FMN2: variants seen among roughly 807,000 people sequenced by gnomAD.
The protein encoded by FMN2 is formin-2.
In FMN2, 51 loss-of-function variants were observed where a neutral mutation model predicts 142.3. The observed-to-expected ratio is 0.36, with a 90% confidence interval of 0.29 to 0.45. The LOEUF (loss-of-function observed/expected upper bound fraction) is 0.45. FMN2 is among the 20% of genes least tolerant of loss of function. The pLI, the probability that FMN2 is intolerant of heterozygous loss-of-function variation, is 1.00. For missense variants in FMN2, 1,936 were observed against 2,122.8 expected, an observed-to-expected ratio of 0.91 and a Z score of 1.73; for synonymous variants, 882 against 869.8, an observed-to-expected ratio of 1.01 and a Z score of -0.25.
At chr1:240,113,569 A>AT (rs1390868008) in intron 1 of FMN2, among the ~76,000 whole-genome samples, 4 of 151,558 alleles carry the variant, frequency 2.6e-5, no homozygotes, top group Admixed American at 6.6e-5. Flanking sequence ...AAAAAAAAAA[A>AT]AAAAAAAAAA....
At chr1:240,316,557 T>C (rs1670785760) in intron 8 of FMN2, among the ~76,000 whole-genome samples, 1 of 151,976 alleles carries the variant, frequency 6.6e-6, no homozygotes, top group African/African-American at 2.4e-5. Flanking sequence ...TAAGATGTTT[T>C]TCAGGGGAAG....
chr1:240,259,345 G>T (rs929354991), intron 7 of FMN2, among the ~76,000 whole-genome samples: 5 of 152,148 alleles, frequency 3.3e-5, no homozygotes, highest in African/African-American at 1.2e-4. Flanking sequence ...AGAGTTCATT[G>T]AAAATTTGCT....
chr1:240,348,520 G>A (rs953464829), intron 13 of FMN2, among the ~76,000 whole-genome samples: 2 of 114,198 alleles, frequency 1.8e-5, no homozygotes, highest in Middle Eastern at 3.9e-3. Context: ...ACCGCGCCCA[G>A]CCTATTTTTT....
intron 15 of FMN2, among the ~76,000 whole-genome samples, chr1:240,416,487 C>T (rs944897961): frequency 1.3e-5 from 2 of 152,082 alleles, no homozygotes; most frequent in Admixed American, 6.5e-5. Context: ...CCCGGCTAGT[C>T]TCAAACTCCT....
At chr1:240,274,681 T>C (rs1158203311) in intron 7 of FMN2, among the ~76,000 whole-genome samples, 1 of 152,026 alleles carries the variant, frequency 6.6e-6, no homozygotes, top group East Asian at 1.9e-4. Context: ...GTGAGGAGAC[T>C]ATCACAGCAA....
intron 7 of FMN2, among the ~76,000 whole-genome samples, chr1:240,275,080 GTTTT>G (rs202193888): frequency 6.4e-5 from 9 of 141,116 alleles, no homozygotes; most frequent in African/African-American, 2.1e-4. Flanking sequence ...TTTTTTTTAA[GTTTT>G]TTTTTTTTTT....
chr1:240,355,950 G>GTA lies in FMN2; in HGVS notation c.4858+42_4858+43insTA, dbSNP rs1558449489. On this transcript the variant is annotated intron_variant, in intron 14 of 17. Coordinates refer to ENST00000319653, the MANE Select transcript of FMN2 (RefSeq NM_020066.5). ...TGTGTTATGTTTTTCTCCCCTTTCA[G>GTA]CAAAAAAAAAAAAAAAAAAAAAAAA... 5.3e-4 allele frequency: 46 copies of GTA among 86,260 alleles called. No homozygotes were observed. In the African/African-American group the frequency reaches 7.3e-3, roughly 14 times the overall value. The allele number at this position is 86,260 out of a possible 1,614,324, so 5.3% of individuals were successfully genotyped here.
chr1:240,181,274 G>T (rs915085686), intron 3 of FMN2, among the ~76,000 whole-genome samples: 3 of 152,168 alleles, frequency 2.0e-5, no homozygotes, highest in Non-Finnish European at 4.4e-5. Context: ...AAAGTGCTGG[G>T]ATTACAGGCG....
At chr1:240,395,006 C>G (rs994306956) in intron 15 of FMN2, among the ~76,000 whole-genome samples, 2 of 152,088 alleles carry the variant, frequency 1.3e-5, no homozygotes, top group Non-Finnish European at 2.9e-5. Context: ...AAAAGTGAAG[C>G]TTCAGAAAAC....
chr1:240,326,961 T>C (rs1286967097), intron 8 of FMN2, among the ~76,000 whole-genome samples: 1 of 152,170 alleles, frequency 6.6e-6, no homozygotes, highest in African/African-American at 2.4e-5. Context: ...GAAAGATGGG[T>C]ATTGTCATTT....
At chr1:240,166,156 A>T (rs565666607) in intron 2 of FMN2, among the ~76,000 whole-genome samples, 4 of 148,796 alleles carry the variant, frequency 2.7e-5, no homozygotes, top group South Asian at 2.1e-4. Context: ...ATAAATATAA[A>T]ATATATATAT....
At chr1:240,197,025 T>C (rs1273633741) in intron 4 of FMN2, among the ~76,000 whole-genome samples, 1 of 152,182 alleles carries the variant, frequency 6.6e-6, no homozygotes, top group African/African-American at 2.4e-5. Context: ...TTTTATATGC[T>C]ACTGTTTGTT....
At chr1:240,416,208 C>T (rs1460688300) in intron 15 of FMN2, among the ~76,000 whole-genome samples, 2 of 152,030 alleles carry the variant, frequency 1.3e-5, no homozygotes, top group Admixed American at 6.5e-5. Context: ...CATAAAATAA[C>T]GACTTAAGAA....
intron 16 of FMN2, among the ~76,000 whole-genome samples, chr1:240,442,198 A>T (rs1675645154): frequency 6.6e-6 from 1 of 152,070 alleles, no homozygotes; most frequent in South Asian, 2.1e-4. Context: ...TCTGTAGCTT[A>T]GCTTTAACTT....
rs564781227 is a variant in FMN2, at chr1:240,166,156, A to AAT, written c.1783-11753_1783-11752dup. Among the ~76,000 whole-genome samples the AAT allele has an allele frequency of 3.2e-3, 478 of 148,792 alleles. 6 individuals carry two copies. The highest frequency in any genetic ancestry group is 0.01 in the African/African-American group (421 of 40,930). Reference sequence around the variant, plus strand: ...TTTATATATATGTATATAAATATAAAATATATATATATAAATAAACGTTAC... The same window carrying AAT: ...TTTATATATATGTATATAAATATAAAATATATATATATATAAATAAACGTTAC... On this transcript the variant is annotated intron_variant, in intron 2 of 17. Transcript: ENST00000319653.
chr1:240,124,107 G>T (rs6671047), intron 2 of FMN2, among the ~76,000 whole-genome samples: 2 of 152,096 alleles, frequency 1.3e-5, no homozygotes, highest in East Asian at 3.8e-4. Context: ...ACCTTTTGCT[G>T]TAATGCTGCT....
intron 14 of FMN2, among the ~76,000 whole-genome samples, chr1:240,367,488 G>A (rs1233160129): frequency 1.3e-5 from 2 of 151,942 alleles, no homozygotes; most frequent in South Asian, 2.1e-4. Context: ...TAAGAAATCC[G>A]GCGGGGGGCA....
At chr1:240,229,738 C>T (rs1329404590) in intron 6 of FMN2, among the ~76,000 whole-genome samples, 1 of 74,564 alleles carries the variant, frequency 1.3e-5, no homozygotes. Flanking sequence ...CCTCTGCCTC[C>T]CCGGTTCCAG....
At chr1:240,432,302 A>T (rs1413967563) in intron 15 of FMN2, among the ~76,000 whole-genome samples, 1 of 152,010 alleles carries the variant, frequency 6.6e-6, no homozygotes, top group African/African-American at 2.4e-5. Flanking sequence ...ATTGTTTACA[A>T]CATCATCACA....
Sources: allele counts gnomAD v4.1 joint callset (sites outside exome capture counted in the v4.1 genomes callset), GRCh38; gene constraint gnomAD v4.1.1; transcripts MANE v1.5; gene names NCBI Gene and HGNC (gene_info 2026-07-23, HGNC 2026-07-21).